DIDO1: variants seen among roughly 807,000 people sequenced by gnomAD.
DIDO1 encodes death-inducer obliterator 1.
A neutral mutation model predicts 99.4 loss-of-function variants in DIDO1; 16 were observed. That is an observed-to-expected ratio of 0.16 (90% confidence interval 0.11 to 0.24). The LOEUF (loss-of-function observed/expected upper bound fraction) is 0.24. Among genes scored for constraint, DIDO1 ranks in the 10% least tolerant of loss-of-function variants. The pLI, the probability that DIDO1 is intolerant of heterozygous loss-of-function variation, is 1.00. For missense variants in DIDO1, 2,996 were observed against 3,014.0 expected (o/e 0.99, Z 0.14); for synonymous variants, 1,366 against 1,239.1 (o/e 1.10, Z -2.15).
At chr20:62,886,807 C>T (rs1001623745) in intron 15 of DIDO1, among the ~76,000 whole-genome samples, 2 of 152,186 alleles carry the variant, frequency 1.3e-5, no homozygotes, top group South Asian at 2.1e-4. Flanking sequence ...GGAACAGAAA[C>T]GGTGTGGAAG....
chr20:62,893,877 A>C lies in DIDO1; in HGVS notation c.2890T>G (p.Ser964Ala). ...GSGVVTTVTVSGRDPRTAPSS... is the reference protein window; with the variant it reads ...GSGVVTTVTVAGRDPRTAPSS... ...GGAGCGGTCCTGGGGTCCCGGCCGGACACTGTGACGGTGGTGACCACCCCG... is the reference window on the plus strand; with the variant it reads ...GGAGCGGTCCTGGGGTCCCGGCCGGCCACTGTGACGGTGGTGACCACCCCG... Residue 964 changes from serine (S) to alanine (A), a missense_variant, in exon 12 of 16, where the codon TCC becomes GCC. Physicochemically the swap from Ser to Ala is moderately conservative, Grantham distance 99. Coordinates refer to ENST00000395343, the MANE Select transcript of DIDO1 (RefSeq NM_001193369.2). 1 of 1,612,278 alleles carries C rather than the reference A, an allele frequency of 6.2e-7. No homozygotes were observed. Among genetic ancestry groups the C allele is most frequent in the Non-Finnish European group, 8.5e-7 (1 of 1,178,718 alleles).
intron 8 of DIDO1, among the ~76,000 whole-genome samples, chr20:62,895,660 A>C (rs76262598): frequency 0.025 from 3,765 of 152,300 alleles, 136 homozygotes; most frequent in African/African-American, 0.08. Flanking sequence ...TGGAGAGAGA[A>C]CACCACAAGG....
chr20:62,907,389 A>G (rs745611935), intron 4 of DIDO1, 30 bp from the exon 5 acceptor site: 2 of 1,602,752 alleles, frequency 1.2e-6, no homozygotes, highest in Admixed American at 3.4e-5. Flanking sequence ...ACTTCAAACA[A>G]TGTACTTGCC....
intron 15 of DIDO1, among the ~76,000 whole-genome samples, chr20:62,882,628 G>A (rs1350337059): frequency 2.6e-5 from 4 of 152,196 alleles, no homozygotes; most frequent in African/African-American, 2.4e-5. Context: ...GGAACACACC[G>A]TGCCAGGAAT....
At chr20:62,883,361 A>G (rs553270584) in intron 15 of DIDO1, among the ~76,000 whole-genome samples, 1 of 152,356 alleles carries the variant, frequency 6.6e-6, no homozygotes, top group Non-Finnish European at 1.5e-5. Context: ...CAGAATTACA[A>G]CTAGACAGGA....
At chr20:62,926,628 C>A (rs530628997), upstream of DIDO1, 1 of 152,256 alleles carries the variant, frequency 6.6e-6, no homozygotes, top group Admixed American at 6.5e-5. Flanking sequence ...CGCATGCGCC[C>A]GTCTTTCATA....
At chr20:62,920,614 G>C (rs1035767722) in intron 1 of DIDO1, among the ~76,000 whole-genome samples, 1 of 152,220 alleles carries the variant, frequency 6.6e-6, no homozygotes, top group Non-Finnish European at 1.5e-5. Flanking sequence ...TTAGAGAAGT[G>C]GTTCTCAAAG....
intron 6 of DIDO1, among the ~76,000 whole-genome samples, chr20:62,899,322 G>C (rs189685335): frequency 2.0e-3 from 310 of 152,370 alleles, no homozygotes; most frequent in Admixed American, 3.4e-3. Context: ...GTGACACACA[G>C]AACACCTGTG....
intron 1 of DIDO1, among the ~76,000 whole-genome samples, chr20:62,931,568 A>G (rs778020971): frequency 5.3e-5 from 8 of 152,296 alleles, no homozygotes; most frequent in Admixed American, 1.3e-4. Flanking sequence ...CAGGCTCTTC[A>G]CACCACGGAA....
In DIDO1 at chr20:62,907,138, T is replaced by A. The variant is rs1372976413; in HGVS notation, c.1374+9A>T. ...CCACTGCCTGGGCGGCTGGTCCTGG[T>A]CCACTCACCTGAGCACCGCATTTCG... is the stretch of plus-strand genomic sequence containing the variant. On this transcript the variant is annotated intron_variant, in intron 5 of 15. Coordinates refer to ENST00000395343, the MANE Select transcript of DIDO1 (RefSeq NM_001193369.2). 6.2e-7 allele frequency: 1 copy of A among 1,614,124 alleles called. No individual in the cohort carries two copies. The highest frequency in any genetic ancestry group is 2.2e-5 in the East Asian group (1 of 44,882).
rs779460963 is a variant in DIDO1, at chr20:62,880,250, G to C, written c.5706C>G (p.Gly1902=). The C allele has an allele frequency of 1.9e-6, 3 of 1,612,438 alleles. No individual in the cohort carries two copies. The highest frequency in any genetic ancestry group is 3.3e-5 in the Admixed American group (2 of 60,030). Residue 1902 remains glycine (G), a synonymous_variant, in exon 16 of 16, where the codon GGC becomes GGG. Transcript: ENST00000395343. ...QRRPLLSQLK[G]PRGGPPPSQF... Reference sequence around the variant, plus strand: ...GAGAGGGAGGGGGGCCGCCTCGGGGGCCTTTCAGCTGAGACAGCAGTGGCC... The same window carrying C: ...GAGAGGGAGGGGGGCCGCCTCGGGGCCCTTTCAGCTGAGACAGCAGTGGCC...
At position 62,892,813 on chromosome 20, in the gene DIDO1, C is replaced by G; in HGVS notation, c.3251G>C (p.Ser1084Thr). The change falls in exon 13 of 16, where the codon AGT (serine) becomes ACT (threonine). Residue 1084 changes from serine to threonine, a missense_variant. Around this residue, in one of 5 missense-constraint regions of DIDO1, gnomAD observed 135 missense variants for 202.3 expected, o/e 0.67. Coordinates refer to ENST00000395343, the MANE Select transcript of DIDO1 (RefSeq NM_001193369.2). The part of the protein sequence containing the change: ...YPVSGCFDYL[S>T]EDLPDTIHIG... ...ACACATTTTCTTGGTTCTAACCTCA[C>G]TGAGGTAATCAAAACACCCAGAGAC... The G allele has an allele frequency of 6.2e-7, 1 of 1,613,132 alleles. No individual in the cohort carries two copies. Among genetic ancestry groups the G allele is most frequent in the Non-Finnish European group, 8.5e-7 (1 of 1,179,372 alleles).
At chr20:62,889,011 AG>A in intron 15 of DIDO1, 1 of 985,474 alleles carries the variant, frequency 1.0e-6, no homozygotes, top group Non-Finnish European at 1.2e-6. Flanking sequence ...CGTGGATCAA[AG>A]TCCCTGGGGC....
intron 15 of DIDO1, chr20:62,888,595 G>T: frequency 1.0e-6 from 1 of 985,562 alleles, no homozygotes; most frequent in Non-Finnish European, 1.2e-6. Flanking sequence ...GGGCTTCTGG[G>T]CTATCTCCGT....
intron 1 of DIDO1, among the ~76,000 whole-genome samples, chr20:62,922,189 T>C (rs1160717372): frequency 1.0e-4 from 14 of 139,998 alleles, no homozygotes. Context: ...TGTATGTGTG[T>C]GTGTGTGTAT....
rs779635875 is a variant in DIDO1, at chr20:62,895,049, A to G, written c.2331T>C (p.Ser777=). 6.2e-7 allele frequency: 1 copy of G among 1,604,784 alleles called. No individual in the cohort carries two copies. The highest frequency in any genetic ancestry group is 8.5e-7 in the Non-Finnish European group (1 of 1,171,936). Residue 777 remains serine, a splice_region_variant and synonymous_variant, in exon 9 of 16, where the codon TCT becomes TCC. Coordinates refer to ENST00000395343, the MANE Select transcript of DIDO1 (RefSeq NM_001193369.2). ...LSTWKERPAR[S]VMESRTKLHN... The stretch of plus-strand genomic sequence containing the variant: ...TCCGCAGGTACCCCTCAGCACTCAC[A>G]GATCTCGCTGGCCTCTCTTTCCACG...
At position 62,894,669 on chromosome 20, in the gene DIDO1, T is replaced by C; in HGVS notation, c.2437-121A>G. On this transcript the variant is annotated intron_variant, in intron 10 of 15. Coordinates refer to ENST00000395343, the MANE Select transcript of DIDO1 (RefSeq NM_001193369.2). The surrounding 1 kb of genome is among the most constrained non-coding windows in gnomAD (Gnocchi z 4.4). ...ACCCACGGGGGAGAAAAAAGGACCA[T>C]CTAATACAAGGACTGAGGAATGCCA... 1 of 1,441,356 alleles carries C rather than the reference T, an allele frequency of 6.9e-7. No individual in the cohort carries two copies. 89.3% of individuals were successfully genotyped at this position (1,441,356 alleles called of 1,614,324 possible). A position where few individuals can be genotyped will look rare whatever the true frequency, so the allele number is the denominator to read the frequency against.
intron 15 of DIDO1, among the ~76,000 whole-genome samples, chr20:62,886,003 G>C (rs545654553): frequency 6.6e-6 from 1 of 152,236 alleles, no homozygotes; most frequent in Non-Finnish European, 1.5e-5. Context: ...CAGCTGCCCC[G>C]TGGTGTGTGA....
At chr20:62,930,914 A>G (rs1432680063), upstream of DIDO1, among the ~76,000 whole-genome samples, 1 of 152,230 alleles carries the variant, frequency 6.6e-6, no homozygotes, top group Non-Finnish European at 1.5e-5. Context: ...CATTTTCCAG[A>G]TACCTTTAGA....
Sources: gnomAD v4.1 joint callset for allele counts (sites outside exome capture counted in the v4.1 genomes callset) on GRCh38, gnomAD v4.1.1 for gene constraint, gnomAD v4.1.1 regional missense constraint, Gnocchi (gnomAD v3.1) non-coding constraint, MANE v1.5 for transcripts, NCBI Gene and HGNC (gene_info 2026-07-23, HGNC 2026-07-21) for gene names.